Variants in PIBF1 observed in about 807,000 individuals in gnomAD.
The protein encoded by PIBF1 is progesterone immunomodulatory binding factor 1.
Under a neutral mutation model 112.5 loss-of-function variants are expected in PIBF1, and 90 were observed. That is an observed-to-expected ratio of 0.80 (90% CI 0.67 to 0.95). The LOEUF is 0.95. Ranked by LOEUF, PIBF1 falls within the 40% of genes least tolerant of loss-of-function variation. PIBF1 has a pLI of 0.00. For missense variants in PIBF1, 915 were observed against 852.3 expected, an observed-to-expected ratio of 1.07 and a Z score of -0.92; for synonymous variants, 301 against 288.6, an observed-to-expected ratio of 1.04 and a Z score of -0.44.
At chr13:72,996,007 A>G (rs2043645672) in intron 16 of PIBF1, among the ~76,000 whole-genome samples, 2 of 144,448 alleles carry the variant, frequency 1.4e-5, no homozygotes, top group South Asian at 4.5e-4. Flanking sequence ...GGAAAAAAAC[A>G]TGGAGAAGAC....
intron 14 of PIBF1, among the ~76,000 whole-genome samples, chr13:72,952,204 C>T (rs923207702): frequency 2.0e-5 from 3 of 151,864 alleles, no homozygotes; most frequent in African/African-American, 7.3e-5. Context: ...CAGGCACACA[C>T]CACCATGCCC....
intron 14 of PIBF1, among the ~76,000 whole-genome samples, chr13:72,958,358 T>C (rs974737544): frequency 6.9e-6 from 1 of 145,946 alleles, no homozygotes; most frequent in Non-Finnish European, 1.5e-5. Context: ...CAATTTGAAG[T>C]AGTAATGTTC....
intron 17 of PIBF1, among the ~76,000 whole-genome samples, chr13:73,012,584 C>CAA (rs1022398028): frequency 2.8e-5 from 4 of 141,402 alleles, no homozygotes; most frequent in African/African-American, 7.8e-5. Flanking sequence ...CCAAAAAAAA[C>CAA]AAAAAAAAAC....
chr13:72,925,774 T>C (rs529594791), intron 13 of PIBF1, among the ~76,000 whole-genome samples: 1 of 152,156 alleles, frequency 6.6e-6, no homozygotes, highest in African/African-American at 2.4e-5. Context: ...ACTCCTGACC[T>C]CAAGTGATCT....
chr13:72,904,197 C>A (rs1449572186), intron 11 of PIBF1, among the ~76,000 whole-genome samples: 1 of 151,180 alleles, frequency 6.6e-6, no homozygotes, highest in Non-Finnish European at 1.5e-5. Flanking sequence ...GTTTATTTTA[C>A]AGTTACAAAA....
chr13:72,878,989 A>G (rs923979088), intron 10 of PIBF1, among the ~76,000 whole-genome samples: 6 of 152,042 alleles, frequency 3.9e-5, no homozygotes, highest in Non-Finnish European at 7.4e-5. Flanking sequence ...TTTAATCTGT[A>G]TGTATCTTTA....
intron 17 of PIBF1, among the ~76,000 whole-genome samples, chr13:73,008,887 T>C (rs998962053): frequency 5.9e-5 from 9 of 152,192 alleles, no homozygotes; most frequent in African/African-American, 1.9e-4. Flanking sequence ...ATAAATGGTA[T>C]AAACTAAGAG....
intron 14 of PIBF1, among the ~76,000 whole-genome samples, chr13:72,963,163 C>T (rs2042651071): frequency 6.6e-6 from 1 of 152,116 alleles, no homozygotes; most frequent in African/African-American, 2.4e-5. Flanking sequence ...TAAATTTAAG[C>T]ATTAAAGGTA....
At chr13:72,811,682 A>G (rs1408408517) in intron 5 of PIBF1, among the ~76,000 whole-genome samples, 1 of 152,180 alleles carries the variant, frequency 6.6e-6, no homozygotes, top group Non-Finnish European at 1.5e-5. Flanking sequence ...TATATTTAAC[A>G]TATTCAAGAA....
At chr13:73,008,193 A>G (rs778063643) in intron 17 of PIBF1, among the ~76,000 whole-genome samples, 19 of 152,168 alleles carry the variant, frequency 1.2e-4, no homozygotes, top group Non-Finnish European at 2.2e-4. Context: ...AAGTTCACCA[A>G]TCGAAGGATT....
chr13:72,835,611 C>T (rs1392283211), intron 9 of PIBF1, among the ~76,000 whole-genome samples: 1 of 151,570 alleles, frequency 6.6e-6, no homozygotes, highest in Non-Finnish European at 1.5e-5. Context: ...ACCCTAGTGA[C>T]TTCTCTTTTT....
At chr13:72,980,972 C>T (rs1434890821) in intron 16 of PIBF1, among the ~76,000 whole-genome samples, 3 of 152,034 alleles carry the variant, frequency 2.0e-5, no homozygotes, top group Non-Finnish European at 4.4e-5. Flanking sequence ...GAGCCAGGCA[C>T]GGTGGCTCAC....
chr13:72,799,464 G>A (rs972603106), intron 5 of PIBF1, among the ~76,000 whole-genome samples: 1 of 152,052 alleles, frequency 6.6e-6, no homozygotes, highest in Admixed American at 6.6e-5. Context: ...CAATTAGAGG[G>A]GCAGATGTGC....
At position 72,826,061 on chromosome 13, in the gene PIBF1, A is replaced by T. The variant is rs140103490; in HGVS notation, c.807-949A>T. ...CTCATAAAAAAAAAAAAAAATTTAA[A>T]AAAAAGATTTTTTAAAAAATTGCAT... On this transcript the variant is annotated intron_variant, in intron 6 of 17. Coordinates refer to ENST00000326291, the MANE Select transcript of PIBF1 (RefSeq NM_006346.4). Among the ~76,000 whole-genome samples, 1,036 of 151,868 alleles carry T rather than the reference A, an allele frequency of 6.8e-3. 13 individuals carry two copies. The highest frequency in any genetic ancestry group is 0.024 in the African/African-American group (999 of 41,512).
rs200679923 is a variant in PIBF1 at position 72,972,003 on chromosome 13, C to CTTTTATTT, written c.1965-1588_1965-1587insTTTTATTT. On this transcript the variant is annotated intron_variant, in intron 15 of 17. Transcript: ENST00000326291. ...TATTATTCTAAAGATTAGTGGCTTT[C>CTTTTATTT]ATTTATTTATTTATTTATTTATTTA... is the stretch of plus-strand genomic sequence containing the variant. 7.9e-5 allele frequency among the ~76,000 whole-genome samples: 11 copies of CTTTTATTT among 138,784 alleles called. No homozygotes were observed. The South Asian group carries it at 2.3e-3, about 29-fold the overall frequency. The allele number at this position is 138,784 out of a possible 152,430, so 91.0% of individuals were successfully genotyped here.
At chr13:72,887,459 C>A (rs2039901988) in intron 10 of PIBF1, among the ~76,000 whole-genome samples, 1 of 151,700 alleles carries the variant, frequency 6.6e-6, no homozygotes, top group Admixed American at 6.6e-5. Context: ...ATTCTGAGAT[C>A]TTTCAAATAT....
intron 9 of PIBF1, among the ~76,000 whole-genome samples, chr13:72,837,563 AATAATT>A (rs2037416080): frequency 6.6e-6 from 1 of 152,286 alleles, no homozygotes; most frequent in African/African-American, 2.4e-5. Flanking sequence ...TCATTAAATA[AATAATT>A]ATAAAGAAGT....
intron 14 of PIBF1, among the ~76,000 whole-genome samples, chr13:72,933,386 G>A (rs1038099464): frequency 2.0e-5 from 3 of 152,182 alleles, no homozygotes; most frequent in African/African-American, 4.8e-5. Flanking sequence ...AAGAAGCCGG[G>A]TGCACTGGCT....
rs181729559 is a variant in PIBF1, at chr13:72,922,183, G to C, written c.1730+5017G>C. Among the ~76,000 whole-genome samples, 248 of 151,930 alleles carry C rather than the reference G, an allele frequency of 1.6e-3. 1 individual carries two copies. The highest frequency in any genetic ancestry group is 5.9e-4 in the Non-Finnish European group (40 of 67,960). On this transcript the variant is annotated intron_variant, in intron 13 of 17. Transcript: ENST00000326291. ...TGTAGAGACAGGGTCTTGCTGTGTTGCCCAGGCTGGTCTGGAGCTCCTGGC... is the reference window on the plus strand; with the variant it reads ...TGTAGAGACAGGGTCTTGCTGTGTTCCCCAGGCTGGTCTGGAGCTCCTGGC...
Sources: allele counts gnomAD v4.1 joint callset (sites outside exome capture counted in the v4.1 genomes callset), GRCh38; gene constraint gnomAD v4.1.1; transcripts MANE v1.5; gene names NCBI Gene and HGNC (gene_info 2026-07-23, HGNC 2026-07-21).